MUC13: variants seen among roughly 807,000 people sequenced by gnomAD.
MUC13 encodes mucin-13.
Under a neutral mutation model 48.3 loss-of-function variants are expected in MUC13, and 32 were observed. That is an observed-to-expected ratio of 0.66 (90% CI 0.50 to 0.89). The LOEUF (loss-of-function observed/expected upper bound fraction) is 0.89, where lower values mean the gene tolerates loss of function less well. Among genes scored for constraint, MUC13 ranks in the 40% least tolerant of loss-of-function variants. The probability of loss-of-function intolerance (pLI) is 0.00; values close to 1 mark genes in which losing one functional copy is unlikely to be tolerated. For synonymous variants in MUC13, 199 were observed against 224.9 expected (o/e 0.88, Z 1.03); for missense variants, 571 against 622.8 (o/e 0.92, Z 0.88).
intron 1 of MUC13, among the ~76,000 whole-genome samples, chr3:124,930,637 C>T (rs1266106603): frequency 6.6e-6 from 1 of 152,184 alleles, no homozygotes; most frequent in South Asian, 2.1e-4. Context: ...CACAGAGGTA[C>T]AAATCATAGG....
rs754272926 is a variant in MUC13 at position 124,916,371 on chromosome 3, C to T, written c.910G>A (p.Glu304Lys). ...TTSDNEKTVT[E>K]KINKAIRSSS... ...CTTCTAATTGCTTTATTAATTTTCT[C>T]AGTCACAGTCTTCTCATTGTCACTT... The change falls in exon 6 of 12, where the codon GAG becomes AAG. Residue 304 changes from glutamate to lysine, a missense_variant. By Grantham distance (56) the Glu-to-Lys change is moderately conservative (BLOSUM62 1). Coordinates refer to ENST00000616727, the MANE Select transcript of MUC13 (RefSeq NM_033049.4). 3.7e-6 allele frequency: 6 copies of T among 1,613,336 alleles called. No homozygotes were observed. The East Asian group carries it at 8.9e-5, about 24-fold the overall frequency.
At chr3:124,930,081 C>A (rs939177743) in intron 1 of MUC13, among the ~76,000 whole-genome samples, 6 of 152,182 alleles carry the variant, frequency 3.9e-5, no homozygotes, top group African/African-American at 1.4e-4. Context: ...CCCCACCAGA[C>A]CCTGAATTTC....
chr3:124,920,274 CAAAT>C lies in MUC13; in HGVS notation c.756_759del (p.Phe253AlafsTer9), dbSNP rs1444652524. The C allele has an allele frequency of 3.1e-6, 5 of 1,605,408 alleles. No individual in the cohort carries two copies. The highest frequency in any genetic ancestry group is 4.3e-6 in the Non-Finnish European group (5 of 1,175,206). On this transcript the variant is annotated frameshift_variant, in exon 5 of 12. Coordinates refer to ENST00000616727, the MANE Select transcript of MUC13 (RefSeq NM_033049.4). LOFTEE classifies it high-confidence loss of function. ...ACAGTCTGTCCATAAACAGATGTGC[CAAAT>C]ACATCTTTAAACTGTGGAGGAAAAC...
rs1384504646 is a variant in MUC13 at position 124,927,881 on chromosome 3, G to A, written c.165C>T (p.Ser55=). The change falls in exon 2 of 12, where the codon AGC becomes AGT. Residue 55 remains serine (S), a synonymous_variant. Transcript: ENST00000616727. ...GGAAAGAAGGTGTATTTGCTGTGGT[G>A]CTAGCAGTTTCAGGGAAATTAGTTT... ...TTETNFPETA[S]TTANTPSFPT... 3 of 1,613,798 alleles carry A rather than the reference G, an allele frequency of 1.9e-6. No homozygotes were observed. The highest frequency in any genetic ancestry group is 2.5e-6 in the Non-Finnish European group (3 of 1,179,912).
In MUC13 at chr3:124,913,671, C is replaced by T; in HGVS notation, c.975G>A (p.Arg325=). 6.2e-7 allele frequency: 1 copy of T among 1,614,170 alleles called. No individual in the cohort carries two copies. Among genetic ancestry groups the T allele is most frequent in the Non-Finnish European group, 8.5e-7 (1 of 1,180,010 alleles). Residue 325 remains arginine, a synonymous_variant, in exon 7 of 12, where the codon CGG becomes CGA. Transcript: ENST00000616727. ...TCTGGTTACAGCCATAATAATCACA[C>T]CGAAGGGTCACTGAGAAGCACAAAT... ...SNFLNYDLTL[R]CDYYGCNQTA...
intron 10 of MUC13, among the ~76,000 whole-genome samples, chr3:124,909,627 T>A (rs1325706445): frequency 6.6e-6 from 1 of 151,712 alleles, no homozygotes; most frequent in Non-Finnish European, 1.5e-5. Flanking sequence ...CTCAGCCTCC[T>A]GAGTAGCAGG....
rs1935299976 is a variant in MUC13 at position 124,905,460 on chromosome 3, C to T, written c.*1283G>A. ...ACAAGGACACCATCTAACAAAGGCA[C>T]TTTATTGCATTACCATTCACAATTA... On this transcript the variant is annotated 3_prime_UTR_variant, in exon 12 of 12. Coordinates refer to ENST00000616727, the MANE Select transcript of MUC13 (RefSeq NM_033049.4). 1 of 150,920 alleles carries T rather than the reference C, an allele frequency of 6.6e-6. No homozygotes were observed. The highest frequency in any genetic ancestry group is 6.6e-5 in the Admixed American group (1 of 15,166). 9.3% of individuals were successfully genotyped at this position (150,920 alleles called of 1,614,324 possible).
chr3:124,921,814 G>A (rs1282202359), intron 4 of MUC13, among the ~76,000 whole-genome samples: 2 of 152,132 alleles, frequency 1.3e-5, no homozygotes, highest in South Asian at 2.1e-4. Flanking sequence ...TCATTCTGTG[G>A]AAATAATTTA....
Position 124,923,545 on chromosome 3 carries a change from A to G in MUC13, c.619T>C (p.Ser207Pro), listed in dbSNP as rs1204834525. 1 of 1,613,388 alleles carries G rather than the reference A, an allele frequency of 6.2e-7. No homozygotes were observed. Among genetic ancestry groups the G allele is most frequent in the Non-Finnish European group, 8.5e-7 (1 of 1,179,604 alleles). The stretch of plus-strand genomic sequence containing the variant: ...AACTCACCTTTCTTACATGTAGAAG[A>G]GTTGTAGTAATACCCTTCTAAACAC... ...CLCLEGYYYN[S>P]STCKKGKVFP... The change falls in exon 3 of 12, where the codon TCT becomes CCT. Residue 207 changes from serine to proline, a missense_variant. Physicochemically the swap from Ser to Pro is moderately conservative, Grantham distance 74 (BLOSUM62 -1). Transcript: ENST00000616727.
intron 2 of MUC13, among the ~76,000 whole-genome samples, chr3:124,924,050 G>A (rs549715880): frequency 1.3e-3 from 194 of 152,244 alleles, no homozygotes; most frequent in Non-Finnish European, 2.2e-3. Context: ...CTTATTTTTA[G>A]AAAGGTATGA....
At chr3:124,910,310 G>A in intron 10 of MUC13, 105 bp downstream of exon 10, 6 of 1,464,668 alleles carry the variant, frequency 4.1e-6, no homozygotes, top group Non-Finnish European at 5.5e-6. Context: ...AAGGTGGGAG[G>A]ATGGCTTGAG....
rs111400681 is a variant in MUC13, at chr3:124,906,905, T to G, written c.*1-163A>C. Among the ~76,000 whole-genome samples, 664 of 152,316 alleles carry G rather than the reference T, an allele frequency of 4.4e-3. 2 individuals carry two copies. Among genetic ancestry groups the G allele is most frequent in the African/African-American group, 0.016 (650 of 41,570 alleles). On this transcript the variant is annotated intron_variant, in intron 11 of 11. Transcript: ENST00000616727. The stretch of plus-strand genomic sequence containing the variant: ...TCCCTATCATTTCTCTCACGTCTCT[T>G]CCATTCCCCATCTCTTTCCCAGCTC...
rs749628944 is a variant in MUC13, at chr3:124,908,193, T to TGCATCTGGCTGTCTCTGGA, written c.1474_1492dup (p.Gln498LeufsTer20). On this transcript the variant is annotated frameshift_variant, in exon 11 of 12. Transcript: ENST00000616727. LOFTEE classifies it high-confidence loss of function. ...GCTGCTGTGTCTTGAATAGGGATTTTGCATCTGGCTGTCTCTGGAGGCCGT... is the reference window on the plus strand; with the variant it reads ...GCTGCTGTGTCTTGAATAGGGATTTTGCATCTGGCTGTCTCTGGAGCATCTGGCTGTCTCTGGAGGCCGT... 5 of 1,614,180 alleles carry TGCATCTGGCTGTCTCTGGA rather than the reference T, an allele frequency of 3.1e-6. No homozygotes were observed. The highest frequency in any genetic ancestry group is 1.7e-6 in the Non-Finnish European group (2 of 1,180,048).
intron 1 of MUC13, among the ~76,000 whole-genome samples, chr3:124,930,637 C>A (rs1266106603): frequency 1.3e-5 from 2 of 152,184 alleles, no homozygotes; most frequent in Non-Finnish European, 2.9e-5. Context: ...CACAGAGGTA[C>A]AAATCATAGG....
At chr3:124,909,338 A>G (rs1408468457) in intron 10 of MUC13, among the ~76,000 whole-genome samples, 1 of 152,192 alleles carries the variant, frequency 6.6e-6, no homozygotes, top group Non-Finnish European at 1.5e-5. Flanking sequence ...TGGGAAAAAG[A>G]TCACAGCATT....
intron 11 of MUC13, 21 bp downstream of exon 11, chr3:124,908,126 A>AG: frequency 6.2e-7 from 1 of 1,613,424 alleles, no homozygotes; most frequent in Non-Finnish European, 8.5e-7. Flanking sequence ...CAAAAGCAGG[A>AG]GAAAAAGCCC....
At chr3:124,922,380 A>G in intron 3 of MUC13, 77 bp from the exon 4 acceptor site, 1 of 1,494,982 alleles carries the variant, frequency 6.7e-7, no homozygotes, top group Non-Finnish European at 9.0e-7. Flanking sequence ...AACATAGATT[A>G]TTTTTTAGAA....
chr3:124,912,874 T>C (rs1935446262), intron 8 of MUC13, among the ~76,000 whole-genome samples: 1 of 144,428 alleles, frequency 6.9e-6, no homozygotes. Context: ...GGGTGGAGGT[T>C]GCAGTGAGCC....
At chr3:124,933,854 C>T (rs1935839113) in intron 1 of MUC13, among the ~76,000 whole-genome samples, 1 of 152,208 alleles carries the variant, frequency 6.6e-6, no homozygotes, top group East Asian at 1.9e-4. Context: ...CCACAACCCT[C>T]ACCTCTCAAC....
Sources: gnomAD v4.1 joint callset for allele counts (sites outside exome capture counted in the v4.1 genomes callset) on GRCh38, gnomAD v4.1.1 for gene constraint, MANE v1.5 for transcripts, NCBI Gene and HGNC (gene_info 2026-07-23, HGNC 2026-07-21) for gene names.